MYLK4: variants seen among roughly 807,000 people sequenced by gnomAD.
The protein encoded by MYLK4 is caMLCK like.
Under a neutral mutation model 48.1 loss-of-function variants are expected in MYLK4, and 46 were observed. The ratio of observed to expected loss-of-function variants is 0.96; its 90% CI spans 0.75 to 1.22. The LOEUF is 1.22. Ranked by LOEUF, MYLK4 falls within the 50% of genes most tolerant of loss-of-function variation. MYLK4 has a pLI of 0.00. For synonymous variants in MYLK4, 170 were observed against 180.8 expected (o/e 0.94, Z 0.48); for missense variants, 451 against 486.1 (o/e 0.93, Z 0.68).
chr6:2,693,829 C>T (rs547798440), intron 2 of MYLK4, among the ~76,000 whole-genome samples: 260 of 150,482 alleles, frequency 1.7e-3, no homozygotes, highest in African/African-American at 6.2e-3. Context: ...GCAATCTCAG[C>T]TCACTGCAAC....
the MYLK4 span, among the ~76,000 whole-genome samples, chr6:2,756,055 A>G: frequency 6.6e-6 from 1 of 152,326 alleles, no homozygotes; most frequent in East Asian, 1.9e-4. Flanking sequence ...ACTTGTGGGA[A>G]TTTATAGGTA....
chr6:2,691,584 G>T (rs1761801264), intron 3 of MYLK4, among the ~76,000 whole-genome samples: 1 of 152,214 alleles, frequency 6.6e-6, no homozygotes, highest in African/African-American at 2.4e-5. Context: ...AATGGAGTAG[G>T]TAAGCTTTTT....
chr6:2,716,363 T>C (rs79856198), intron 2 of MYLK4, among the ~76,000 whole-genome samples: 4,924 of 152,314 alleles, frequency 0.032, 269 homozygotes, highest in African/African-American at 0.11. Context: ...TGTTTAAGTG[T>C]GATCCTGTTT....
At chr6:2,765,471 C>A in the MYLK4 span, 1 of 977,168 alleles carries the variant, frequency 1.0e-6, no homozygotes, top group Non-Finnish European at 1.3e-6. Context: ...GGACGTGAGG[C>A]ATGAGCGGCG....
At chr6:2,724,447 G>C (rs1394485183) in intron 2 of MYLK4, among the ~76,000 whole-genome samples, 1 of 152,284 alleles carries the variant, frequency 6.6e-6, no homozygotes, top group African/African-American at 2.4e-5. Context: ...CTAACGCAGG[G>C]GGAAAGGTAT....
At chr6:2,766,219 C>T in the MYLK4 span, 24 of 1,489,238 alleles carry the variant, frequency 1.6e-5, no homozygotes, top group Non-Finnish European at 1.9e-5. Flanking sequence ...CCGCCACCGC[C>T]TTCGGGGCCA....
the MYLK4 span, among the ~76,000 whole-genome samples, chr6:2,760,124 A>C: frequency 6.6e-6 from 1 of 152,246 alleles, no homozygotes; most frequent in Non-Finnish European, 1.5e-5. Flanking sequence ...AAAATATATG[A>C]GCATATGTGC....
intron 2 of MYLK4, chr6:2,744,223 C>G (rs550260981): frequency 2.1e-5 from 8 of 389,732 alleles, no homozygotes; most frequent in Admixed American, 4.5e-5. Flanking sequence ...AAATAATCTG[C>G]CTCTTTAAAA....
intron 2 of MYLK4, among the ~76,000 whole-genome samples, chr6:2,721,018 G>A (rs139143605): frequency 0.22 from 33,125 of 151,760 alleles, 3,819 homozygotes; most frequent in African/African-American, 0.29. Context: ...AAAATTAGCC[G>A]GGCGTGGTGG....
intron 2 of MYLK4, among the ~76,000 whole-genome samples, chr6:2,729,296 G>A (rs6936531): frequency 0.86 from 131,149 of 152,142 alleles, 56,881 homozygotes; most frequent in East Asian, 0.94. Context: ...GGGGCCAGGA[G>A]GATGAGGAAA....
At chr6:2,750,268 T>C (rs1764249378) in intron 1 of MYLK4, among the ~76,000 whole-genome samples, 1 of 152,216 alleles carries the variant, frequency 6.6e-6, no homozygotes, top group Non-Finnish European at 1.5e-5. Flanking sequence ...AATATTTTGT[T>C]TTGTCAGTTC....
chr6:2,729,971 C>T (rs1222652848), intron 2 of MYLK4, among the ~76,000 whole-genome samples: 3 of 152,232 alleles, frequency 2.0e-5, no homozygotes, highest in Admixed American at 6.5e-5. Flanking sequence ...TAAAGCACAT[C>T]GCCTTACTGA....
chr6:2,717,750 A>T (rs1762919483), intron 2 of MYLK4, among the ~76,000 whole-genome samples: 1 of 152,252 alleles, frequency 6.6e-6, no homozygotes, highest in Non-Finnish European at 1.5e-5. Flanking sequence ...ATAATAGTTC[A>T]GGATTTAGAT....
intron 2 of MYLK4, among the ~76,000 whole-genome samples, chr6:2,712,662 T>C (rs1762716379): frequency 6.6e-6 from 1 of 152,192 alleles, no homozygotes; most frequent in Admixed American, 6.5e-5. Context: ...TGGGACCCAC[T>C]GAGGTTCAGA....
chr6:2,752,464 A>G (rs996776280), upstream of MYLK4, among the ~76,000 whole-genome samples: 8 of 152,014 alleles, frequency 5.3e-5, no homozygotes, highest in African/African-American at 1.7e-4. Flanking sequence ...ATTTAGAATC[A>G]GTAGGATTTA....
In MYLK4 at chr6:2,675,038, C is replaced by T. The variant is rs375913497; in HGVS notation, c.1119+9G>A. On this transcript the variant is annotated intron_variant, in intron 11 of 12. Coordinates refer to ENST00000274643, the MANE Select transcript of MYLK4 (RefSeq NM_001012418.5). ...GAGAAAAAGAGGAAGAGCAAGAAGC[C>T]GTGGTCACCTGGGCATTGAGTCTGG... 1.2e-5 allele frequency: 19 copies of T among 1,608,734 alleles called. No homozygotes were observed. The highest frequency in any genetic ancestry group is 6.7e-5 in the African/African-American group (5 of 74,814).
chr6:2,697,125 T>C (rs1402672901), intron 2 of MYLK4, among the ~76,000 whole-genome samples: 1 of 152,230 alleles, frequency 6.6e-6, no homozygotes, highest in Admixed American at 6.5e-5. Context: ...TATATAATTA[T>C]AAATAAATAT....
At chr6:2,679,854 T>G (rs6596893) in intron 8 of MYLK4, among the ~76,000 whole-genome samples, 95,207 of 152,114 alleles carry the variant, frequency 0.63, 30,277 homozygotes, top group East Asian at 0.93. Flanking sequence ...GAAGAATCTT[T>G]TATGTGCCAG....
Position 2,689,646 on chromosome 6 carries a change from C to T in MYLK4, c.236-690G>A, listed in dbSNP as rs183879102. Reference sequence around the variant, plus strand: ...TACAGAATTACTCAGGGATATTCCTCCCAGTATTCTTTCACCTTTCCATGA... The same window carrying T: ...TACAGAATTACTCAGGGATATTCCTTCCAGTATTCTTTCACCTTTCCATGA... On this transcript the variant is annotated intron_variant, in intron 3 of 12. Transcript: ENST00000274643. Among the ~76,000 whole-genome samples the T allele has an allele frequency of 4.0e-3, 612 of 152,334 alleles. 14 individuals are homozygous for T. The highest frequency in any genetic ancestry group is 0.035 in the Admixed American group (530 of 15,296).
Sources: gnomAD v4.1 joint callset for allele counts (sites outside exome capture counted in the v4.1 genomes callset) on GRCh38, gnomAD v4.1.1 for gene constraint, MANE v1.5 for transcripts, NCBI Gene and HGNC (gene_info 2026-07-23, HGNC 2026-07-21) for gene names.